The following SPATA17 variants were observed in gnomAD, a reference collection of about 807,000 sequenced individuals.
SPATA17 encodes the protein spermatogenesis associated 17.
Under a neutral mutation model 62.2 loss-of-function variants are expected in SPATA17, and 53 were observed. The observed-to-expected ratio is 0.85, with a 90% CI of 0.68 to 1.07. The LOEUF is 1.07. Ranked by LOEUF, SPATA17 falls within the 50% of genes least tolerant of loss-of-function variation. The pLI, the probability that SPATA17 is intolerant of heterozygous loss-of-function variation, is 0.00. For missense variants in SPATA17, 466 were observed against 425.5 expected (o/e 1.10, Z -0.84); for synonymous variants, 146 against 146.8 (o/e 0.99, Z 0.04).
intron 9 of SPATA17, among the ~76,000 whole-genome samples, chr1:217,814,635 C>T (rs1054096638): frequency 1.3e-5 from 2 of 151,952 alleles, no homozygotes; most frequent in African/African-American, 2.4e-5. Context: ...ATGTCTTAAG[C>T]CTAGGAGTTT....
chr1:217,704,981 C>T (rs897541296), intron 5 of SPATA17, among the ~76,000 whole-genome samples: 1 of 152,178 alleles, frequency 6.6e-6, no homozygotes, highest in Non-Finnish European at 1.5e-5. Context: ...AATCACCAAA[C>T]AGATTTCCAA....
intron 3 of SPATA17, among the ~76,000 whole-genome samples, chr1:217,659,577 T>C (rs1444100114): frequency 6.6e-6 from 1 of 152,102 alleles, no homozygotes; most frequent in Non-Finnish European, 1.5e-5. Context: ...GATGAAGAAA[T>C]TGGTACTCAG....
intron 9 of SPATA17, among the ~76,000 whole-genome samples, chr1:217,809,878 A>G (rs1250006483): frequency 6.8e-6 from 1 of 147,462 alleles, no homozygotes; most frequent in Non-Finnish European, 1.5e-5. Context: ...TGTAAGCTAA[A>G]TATGCTTTTT....
chr1:217,723,354 G>A (rs1672184418), intron 5 of SPATA17, among the ~76,000 whole-genome samples: 1 of 152,008 alleles, frequency 6.6e-6, no homozygotes, highest in African/African-American at 2.4e-5. Flanking sequence ...AAAGTCGGGG[G>A]CCCATAAAAG....
At chr1:217,737,157 A>T (rs764565713) in intron 5 of SPATA17, among the ~76,000 whole-genome samples, 3 of 152,188 alleles carry the variant, frequency 2.0e-5, no homozygotes, top group Non-Finnish European at 4.4e-5. Flanking sequence ...CACTTTCTGG[A>T]TGTAGGAGTT....
chr1:217,749,975 CTCTCTCTCTCTATATA>C (rs1168336335), intron 6 of SPATA17, among the ~76,000 whole-genome samples: 2 of 39,418 alleles, frequency 5.1e-5, no homozygotes, highest in African/African-American at 1.0e-4. Context: ...CTCTCTCTCT[CTCTCTCTCTCTATATA>C]TATATATATA....
chr1:217,749,997 A>C (rs1309934931), intron 6 of SPATA17, among the ~76,000 whole-genome samples: 15 of 111,304 alleles, frequency 1.3e-4, no homozygotes, highest in South Asian at 2.7e-4. Flanking sequence ...ATATATATAT[A>C]TATATATATA....
chr1:217,835,269 T>C (rs1281469531), intron 9 of SPATA17, among the ~76,000 whole-genome samples: 1 of 152,198 alleles, frequency 6.6e-6, no homozygotes, highest in South Asian at 2.1e-4. Context: ...TTTCGGGGTC[T>C]GCATTGTTGA....
At chr1:217,650,276 A>G (rs1670280335) in intron 2 of SPATA17, among the ~76,000 whole-genome samples, 1 of 151,960 alleles carries the variant, frequency 6.6e-6, no homozygotes, top group Non-Finnish European at 1.5e-5. Flanking sequence ...TAAACTAAGG[A>G]ACATGGTGGC....
At chr1:217,787,950 C>T (rs1411866309) in intron 8 of SPATA17, among the ~76,000 whole-genome samples, 1 of 152,082 alleles carries the variant, frequency 6.6e-6, no homozygotes, top group Non-Finnish European at 1.5e-5. Context: ...GGGAACATTT[C>T]AAGGAATATT....
intron 9 of SPATA17, among the ~76,000 whole-genome samples, chr1:217,804,897 C>G (rs1196366968): frequency 1.3e-5 from 2 of 152,008 alleles, no homozygotes; most frequent in Non-Finnish European, 2.9e-5. Flanking sequence ...AATGTATTGG[C>G]AAGGATGTGG....
At chr1:217,813,233 C>A (rs1381663266) in intron 9 of SPATA17, among the ~76,000 whole-genome samples, 1 of 152,080 alleles carries the variant, frequency 6.6e-6, no homozygotes, top group East Asian at 1.9e-4. Context: ...TGACTGCTTG[C>A]CCATTGCACC....
chr1:217,634,780 C>T (rs986930882), intron 1 of SPATA17, among the ~76,000 whole-genome samples: 10 of 152,204 alleles, frequency 6.6e-5, no homozygotes, highest in South Asian at 2.1e-4. Context: ...CAGGAATGAA[C>T]GAGGACAGCT....
intron 7 of SPATA17, among the ~76,000 whole-genome samples, chr1:217,776,408 G>C (rs963869554): frequency 1.3e-5 from 2 of 152,098 alleles, no homozygotes; most frequent in African/African-American, 4.8e-5. Flanking sequence ...CTATATTGCT[G>C]TATAATAAAT....
chr1:217,759,580 G>A (rs760450807), intron 6 of SPATA17, among the ~76,000 whole-genome samples: 2 of 152,160 alleles, frequency 1.3e-5, no homozygotes, highest in Non-Finnish European at 2.9e-5. Context: ...TGCTCAGTAT[G>A]GCAGCAAGGG....
chr1:217,777,087 C>T (rs1286207110), intron 7 of SPATA17, among the ~76,000 whole-genome samples: 1 of 152,172 alleles, frequency 6.6e-6, no homozygotes, highest in Non-Finnish European at 1.5e-5. Context: ...CTTTTATACC[C>T]TCAACCATTG....
At chr1:217,802,254 G>A (rs1230273136) in intron 9 of SPATA17, among the ~76,000 whole-genome samples, 6 of 152,082 alleles carry the variant, frequency 3.9e-5, no homozygotes. Context: ...GAGAAGACAA[G>A]CATTATATAA....
chr1:217,736,666 A>G (rs1461494819), intron 5 of SPATA17, among the ~76,000 whole-genome samples: 4 of 152,156 alleles, frequency 2.6e-5, no homozygotes, highest in African/African-American at 9.7e-5. Context: ...AGAGGGAGAG[A>G]GAAGCAGGGA....
chr1:217,689,760 T>C lies in SPATA17; in HGVS notation c.395+6399T>C, dbSNP rs141317724. Among the ~76,000 whole-genome samples, 3 of 152,236 alleles carry C rather than the reference T, an allele frequency of 2.0e-5. No individual in the cohort carries two copies. In the East Asian group the frequency reaches 5.8e-4, roughly 29 times the overall value. On this transcript the variant is annotated intron_variant, in intron 5 of 10. Coordinates refer to ENST00000366933, the MANE Select transcript of SPATA17 (RefSeq NM_138796.4). ...GTCCTGATGGCAAATTTCAGTTGCA[T>C]TCTCATTTTAACTCTGCATTTCACT...
Sources: allele counts gnomAD v4.1 joint callset (sites outside exome capture counted in the v4.1 genomes callset), GRCh38; gene constraint gnomAD v4.1.1; transcripts MANE v1.5; gene names NCBI Gene and HGNC (gene_info 2026-07-23, HGNC 2026-07-21).